The following TMEM132B variants were observed in gnomAD, a reference collection of about 807,000 sequenced individuals.
TMEM132B encodes transmembrane protein 132B.
A neutral mutation model predicts 90.8 loss-of-function variants in TMEM132B; 18 were observed. The ratio of observed to expected loss-of-function variants is 0.20; its 90% CI spans 0.14 to 0.29. The LOEUF (loss-of-function observed/expected upper bound fraction) is 0.29, where lower values mean the gene tolerates loss of function less well. Ranked by LOEUF, TMEM132B falls within the 10% of genes least tolerant of loss-of-function variation. The pLI is 1.00. For synonymous variants in TMEM132B, 504 were observed against 523.3 expected, an observed-to-expected ratio of 0.96 and a Z score of 0.50; for missense variants, 1,096 against 1,326.8, an observed-to-expected ratio of 0.83 and a Z score of 2.70.
At chr12:125,616,925 G>A (rs777297401) in intron 5 of TMEM132B, among the ~76,000 whole-genome samples, 2 of 152,288 alleles carry the variant, frequency 1.3e-5, no homozygotes, top group African/African-American at 2.4e-5. Context: ...AGCACACAGT[G>A]AGAAAGCTGC....
chr12:125,567,254 C>A (rs1203440682), intron 4 of TMEM132B, among the ~76,000 whole-genome samples: 1 of 152,168 alleles, frequency 6.6e-6, no homozygotes, highest in Non-Finnish European at 1.5e-5. Flanking sequence ...CAATTTGTCT[C>A]ACCCCACCTG....
intron 2 of TMEM132B, among the ~76,000 whole-genome samples, chr12:125,362,336 T>G (rs1877984946): frequency 6.6e-6 from 1 of 152,234 alleles, no homozygotes. Flanking sequence ...TGTACTTACA[T>G]TTTGTTTCTT....
At chr12:125,519,231 C>A (rs1256767158) in intron 3 of TMEM132B, among the ~76,000 whole-genome samples, 4 of 152,182 alleles carry the variant, frequency 2.6e-5, no homozygotes, top group Non-Finnish European at 5.9e-5. Flanking sequence ...CAACACGGAG[C>A]CCTAGAGACG....
intron 4 of TMEM132B, among the ~76,000 whole-genome samples, chr12:125,574,638 A>T (rs534859551): frequency 3.3e-5 from 5 of 152,252 alleles, no homozygotes; most frequent in Middle Eastern, 3.4e-3. Flanking sequence ...TCACTCGCTG[A>T]TGTAAGAATC....
chr12:125,582,930 G>A (rs1885088177), intron 4 of TMEM132B, among the ~76,000 whole-genome samples: 1 of 152,196 alleles, frequency 6.6e-6, no homozygotes, highest in African/African-American at 2.4e-5. Context: ...GACAGGAGCA[G>A]GAGAGAGAGT....
chr12:125,503,892 A>G (rs1882763152), intron 3 of TMEM132B, among the ~76,000 whole-genome samples: 1 of 152,258 alleles, frequency 6.6e-6, no homozygotes, highest in Non-Finnish European at 1.5e-5. Flanking sequence ...AAGAGACACA[A>G]TCAGCAAAGG....
rs139174984 is a variant in TMEM132B at position 125,352,034 on chromosome 12, T to C, written c.959+1691T>C. Among the ~76,000 whole-genome samples the C allele has an allele frequency of 1.1e-3, 168 of 152,338 alleles. 1 individual carries two copies. Among genetic ancestry groups the C allele is most frequent in the African/African-American group, 3.6e-3 (151 of 41,578 alleles). On this transcript the variant is annotated intron_variant, in intron 2 of 8. Transcript: ENST00000682704. ...AAGGATCCTGCTGCCATCTATATTT[T>C]CTGAAGGCTCCCCCAAGTAAATCTG... is the stretch of plus-strand genomic sequence containing the variant.
At chr12:125,604,242 T>C (rs1294026025) in intron 5 of TMEM132B, among the ~76,000 whole-genome samples, 1 of 152,094 alleles carries the variant, frequency 6.6e-6, no homozygotes, top group African/African-American at 2.4e-5. Flanking sequence ...GTGGCACATA[T>C]ACACCATGGA....
At chr12:125,237,594 G>A (rs1309070109) in intron 1 of TMEM132B, among the ~76,000 whole-genome samples, 1 of 151,948 alleles carries the variant, frequency 6.6e-6, no homozygotes, top group Non-Finnish European at 1.5e-5. Context: ...GATTACCAGC[G>A]CCCACCACCA....
chr12:125,213,722 G>T lies in TMEM132B; in HGVS notation c.67+26856G>T, dbSNP rs1040537674. On this transcript the variant is annotated intron_variant, in intron 1 of 8. Transcript: ENST00000682704. This position sits in a 1 kb window ranked among gnomAD's most constrained non-coding sequence, Gnocchi z 4.2. ...ACCTGTACATGATCTAGCGTCCCTT[G>T]CTCTAGATAGAGTGTGATCTCTGTA... Among the ~76,000 whole-genome samples the T allele has an allele frequency of 2.0e-5, 3 of 152,208 alleles. No individual in the cohort carries two copies. The highest frequency in any genetic ancestry group is 1.3e-4 in the Admixed American group (2 of 15,282).
chr12:125,595,782 C>T (rs553628383), intron 5 of TMEM132B, among the ~76,000 whole-genome samples: 4 of 151,934 alleles, frequency 2.6e-5, no homozygotes, highest in Non-Finnish European at 2.9e-5. Flanking sequence ...AAGAGTCCAG[C>T]AGGTTCTAGA....
intron 4 of TMEM132B, among the ~76,000 whole-genome samples, chr12:125,565,797 G>A (rs1430838056): frequency 2.0e-5 from 3 of 152,172 alleles, no homozygotes; most frequent in Non-Finnish European, 2.9e-5. Flanking sequence ...AGGGGTTTGG[G>A]GTTTATATGA....
In TMEM132B at chr12:125,459,770, T is replaced by C. The variant is rs1048716370; in HGVS notation, c.1106+44093T>C. The stretch of plus-strand genomic sequence containing the variant: ...CCCACCCAAATCTCATCCTGAATTG[T>C]AGCTCCCATAATTCCCATGTGTTAT... On this transcript the variant is annotated intron_variant, in intron 3 of 8. Coordinates refer to ENST00000682704, the MANE Select transcript of TMEM132B (RefSeq NM_001366854.1). This position sits in a 1 kb window ranked among gnomAD's most constrained non-coding sequence, Gnocchi z 4.1. Among the ~76,000 whole-genome samples the C allele has an allele frequency of 1.1e-4, 17 of 152,206 alleles. No individual in the cohort carries two copies. The highest frequency in any genetic ancestry group is 2.2e-4 in the Non-Finnish European group (15 of 68,030).
rs80335770 is a variant in TMEM132B at position 125,385,038 on chromosome 12, C to T, written c.960-30493C>T. Among the ~76,000 whole-genome samples the T allele has an allele frequency of 1.8e-4, 27 of 152,312 alleles. No individual in the cohort carries two copies. The East Asian group carries it at 5.2e-3, about 29-fold the overall frequency. ...ATAACCATCATTCTACTCCCTACTT[C>T]TATGAATTCAACTTTGTACAATTCC... is the stretch of plus-strand genomic sequence containing the variant. On this transcript the variant is annotated intron_variant, in intron 2 of 8. Coordinates refer to ENST00000682704, the MANE Select transcript of TMEM132B (RefSeq NM_001366854.1).
intron 4 of TMEM132B, among the ~76,000 whole-genome samples, chr12:125,530,968 A>C (rs2136695632): frequency 6.6e-6 from 1 of 152,300 alleles, no homozygotes; most frequent in South Asian, 2.1e-4. Flanking sequence ...TTAACCACTT[A>C]GATCCGGGGC....
intron 4 of TMEM132B, among the ~76,000 whole-genome samples, chr12:125,573,151 A>C (rs143678449): frequency 1.6e-4 from 25 of 152,298 alleles, no homozygotes; most frequent in African/African-American, 6.0e-4. Flanking sequence ...CATTCTGGGT[A>C]CTAGGTGTGC....
chr12:125,584,291 C>T (rs1885126757), intron 5 of TMEM132B: 1 of 351,486 alleles, frequency 2.8e-6, no homozygotes, highest in South Asian at 3.4e-5. Context: ...CTCTATCTTT[C>T]CTCGTAAGAC....
intron 4 of TMEM132B, among the ~76,000 whole-genome samples, chr12:125,536,337 T>G (rs569156627): frequency 1.1e-4 from 17 of 152,290 alleles, no homozygotes; most frequent in African/African-American, 4.1e-4. Flanking sequence ...GAAGCTTCAG[T>G]AGGAAGCAGC....
At chr12:125,384,880 G>C (rs1878783204) in intron 2 of TMEM132B, among the ~76,000 whole-genome samples, 1 of 152,160 alleles carries the variant, frequency 6.6e-6, no homozygotes, top group African/African-American at 2.4e-5. Context: ...TTGAACTCCA[G>C]ACCTCAGGTG....
Sources: gnomAD v4.1 joint callset for allele counts (sites outside exome capture counted in the v4.1 genomes callset) on GRCh38, gnomAD v4.1.1 for gene constraint, Gnocchi (gnomAD v3.1) non-coding constraint, MANE v1.5 for transcripts, NCBI Gene and HGNC (gene_info 2026-07-23, HGNC 2026-07-21) for gene names.